HPCAL1: variants seen among roughly 807,000 people sequenced by gnomAD.
The protein encoded by HPCAL1 is hippocalcin like 1.
In HPCAL1, 8 loss-of-function variants were observed where a neutral mutation model predicts 17.1. The ratio of observed to expected loss-of-function variants is 0.47; its 90% CI spans 0.27 to 0.84. The LOEUF is 0.84. Among genes scored for constraint, HPCAL1 ranks in the 40% least tolerant of loss-of-function variants. The probability of loss-of-function intolerance (pLI) is 0.13; values close to 1 mark genes in which losing one functional copy is unlikely to be tolerated. For missense variants in HPCAL1, 165 were observed against 271.1 expected (o/e 0.61, Z 2.75); for synonymous variants, 112 against 111.4 (o/e 1.01, Z -0.03).
chr2:10,400,515 T>C (rs188489476), intron 2 of HPCAL1, among the ~76,000 whole-genome samples: 56 of 152,260 alleles, frequency 3.7e-4, no homozygotes, highest in Admixed American at 9.8e-4. Context: ...CAGGCGGGCA[T>C]CTCAGAGAGC....
chr2:10,349,092 G>A (rs1013574989), intron 1 of HPCAL1, among the ~76,000 whole-genome samples: 2 of 151,970 alleles, frequency 1.3e-5, no homozygotes, highest in African/African-American at 4.8e-5. Flanking sequence ...ACAGGGGCAT[G>A]TTCTTGGCTG....
chr2:10,407,991 T>A (rs1189152375), intron 2 of HPCAL1, among the ~76,000 whole-genome samples: 2 of 152,148 alleles, frequency 1.3e-5, no homozygotes, highest in Non-Finnish European at 1.5e-5. Context: ...CTTTGGTGGA[T>A]GAGTAGGGGT....
At chr2:10,368,745 G>A (rs1038519201) in intron 1 of HPCAL1, 1 of 152,242 alleles carries the variant, frequency 6.6e-6, no homozygotes, top group Non-Finnish European at 1.5e-5. Flanking sequence ...AAGGTCAGTG[G>A]GTGTGTGTTT....
chr2:10,404,930 A>T (rs953329924), intron 2 of HPCAL1, among the ~76,000 whole-genome samples: 4 of 151,240 alleles, frequency 2.6e-5, no homozygotes, highest in Non-Finnish European at 4.4e-5. Flanking sequence ...CGCAGCCCCC[A>T]CCTCCCGCCG....
At chr2:10,378,134 T>C (rs1380843065) in intron 1 of HPCAL1, among the ~76,000 whole-genome samples, 1 of 151,546 alleles carries the variant, frequency 6.6e-6, no homozygotes, top group Non-Finnish European at 1.5e-5. Context: ...ACCCTAAGGA[T>C]GGTGCCAGCA....
chr2:10,304,751 C>T lies in HPCAL1; in HGVS notation c.-111+1574C>T, dbSNP rs1187358093. Among the ~76,000 whole-genome samples the T allele has an allele frequency of 6.6e-6, 1 of 152,226 alleles. No homozygotes were observed. The highest frequency in any genetic ancestry group is 1.5e-5 in the Non-Finnish European group (1 of 68,042). ...GCTCTCGGCCAGAGCGAAGGATATT[C>T]TTTCCCTTCATCGCCTTGGTGTCTT... On this transcript the variant is annotated intron_variant, in intron 1 of 4. Transcript: ENST00000307845. This position sits in a 1 kb window ranked among gnomAD's most constrained non-coding sequence, Gnocchi z 4.1.
chr2:10,396,169 C>T lies in HPCAL1; in HGVS notation c.-110-666C>T, dbSNP rs573291265. On this transcript the variant is annotated intron_variant, in intron 1 of 4. Coordinates refer to ENST00000307845, the MANE Select transcript of HPCAL1 (RefSeq NM_002149.4). ...CTGGATGGTTTTCTGAGCTGAGCTG[C>T]GGGCTGAATGTCAGGTGATGCGTCC... is the stretch of plus-strand genomic sequence containing the variant. 2.6e-5 allele frequency among the ~76,000 whole-genome samples: 4 copies of T among 152,338 alleles called. No individual in the cohort carries two copies. In the East Asian group the frequency reaches 7.7e-4, roughly 29 times the overall value.
intron 1 of HPCAL1, among the ~76,000 whole-genome samples, chr2:10,349,344 C>A (rs547789293): frequency 6.6e-6 from 1 of 152,148 alleles, no homozygotes; most frequent in South Asian, 2.1e-4. Context: ...AAGAAGCCTG[C>A]TTTTCCAGTA....
intron 1 of HPCAL1, among the ~76,000 whole-genome samples, chr2:10,322,368 C>G (rs988730720): frequency 1.3e-5 from 2 of 152,190 alleles, no homozygotes; most frequent in African/African-American, 2.4e-5. Context: ...GAGAAGGTGA[C>G]ATCTGAGCAA....
Position 10,342,911 on chromosome 2 carries a change from CT to C in HPCAL1, c.-111+39739del, listed in dbSNP as rs1247579595. On this transcript the variant is annotated intron_variant, in intron 1 of 4. Transcript: ENST00000307845. This position sits in a 1 kb window ranked among gnomAD's most constrained non-coding sequence, Gnocchi z 4.1. ...TCTCCCCGCTGCCTTCCCCCGGCCC[CT>C]TTTTGGACAGGATGTTGCTCCCTGG... Among the ~76,000 whole-genome samples the C allele has an allele frequency of 6.6e-6, 1 of 152,216 alleles. No homozygotes were observed. Among genetic ancestry groups the C allele is most frequent in the Admixed American group, 6.5e-5 (1 of 15,284 alleles).
At chr2:10,352,775 T>G (rs1474081090) in intron 1 of HPCAL1, among the ~76,000 whole-genome samples, 2 of 152,222 alleles carry the variant, frequency 1.3e-5, no homozygotes, top group African/African-American at 4.8e-5. Flanking sequence ...GGAGTCTTTC[T>G]TGGCTCTGCC....
chr2:10,400,928 C>A (rs1669567537), intron 2 of HPCAL1, among the ~76,000 whole-genome samples: 1 of 152,246 alleles, frequency 6.6e-6, no homozygotes, highest in African/African-American at 2.4e-5. Context: ...ATCTCCGGAG[C>A]ATCTGCTCCA....
chr2:10,393,581 C>T (rs1192244875), intron 1 of HPCAL1, among the ~76,000 whole-genome samples: 13 of 152,246 alleles, frequency 8.5e-5, no homozygotes, highest in Admixed American at 7.8e-4. Context: ...TGTGGTGGGA[C>T]AGAGGAAAGA....
chr2:10,328,538 G>A (rs1249882997), intron 1 of HPCAL1, among the ~76,000 whole-genome samples: 1 of 152,180 alleles, frequency 6.6e-6, no homozygotes, highest in Non-Finnish European at 1.5e-5. Flanking sequence ...GAACAAAAAT[G>A]TAGAGAAAGA....
intron 2 of HPCAL1, among the ~76,000 whole-genome samples, chr2:10,413,884 C>T (rs1359081393): frequency 6.6e-6 from 1 of 152,236 alleles, no homozygotes; most frequent in African/African-American, 2.4e-5. Flanking sequence ...TAGAACTTCA[C>T]AGAAGGTGGC....
chr2:10,307,474 C>T (rs1461903793), intron 1 of HPCAL1, among the ~76,000 whole-genome samples: 1 of 152,186 alleles, frequency 6.6e-6, no homozygotes, highest in African/African-American at 2.4e-5. Flanking sequence ...TATAGATATA[C>T]ACCTGAGCTG....
rs1668199173 is a variant in HPCAL1, at chr2:10,384,732, C to T, written c.-110-12103C>T. 6.6e-6 allele frequency among the ~76,000 whole-genome samples: 1 copy of T among 152,142 alleles called. No individual in the cohort carries two copies. The highest frequency in any genetic ancestry group is 2.4e-5 in the African/African-American group (1 of 41,420). Reference sequence around the variant, plus strand: ...CTAGGCAGAGTAAACAGTGCAGTGGCAGCCGGGGCTGGCACTTTTAAAGAA... The same window carrying T: ...CTAGGCAGAGTAAACAGTGCAGTGGTAGCCGGGGCTGGCACTTTTAAAGAA... On this transcript the variant is annotated intron_variant, in intron 1 of 4. Transcript: ENST00000307845. This position sits in a 1 kb window ranked among gnomAD's most constrained non-coding sequence, Gnocchi z 4.4.
rs1304742991 is a variant in HPCAL1 at position 10,330,524 on chromosome 2, G to T, written c.-111+27347G>T. On this transcript the variant is annotated intron_variant, in intron 1 of 4. Transcript: ENST00000307845. The surrounding 1 kb of genome is among the most constrained non-coding windows in gnomAD (Gnocchi z 4.2). ...AGGCTGATGTCTGAGACAGGGTGGC[G>T]GCAGGGTTGGTGTCACCCGAGGCCT... Among the ~76,000 whole-genome samples, 1 of 152,018 alleles carries T rather than the reference G, an allele frequency of 6.6e-6. No homozygotes were observed. Among genetic ancestry groups the T allele is most frequent in the Non-Finnish European group, 1.5e-5 (1 of 68,002 alleles).
chr2:10,348,518 C>T (rs1445205769), intron 1 of HPCAL1, among the ~76,000 whole-genome samples: 2 of 151,886 alleles, frequency 1.3e-5, no homozygotes, highest in African/African-American at 4.8e-5. Flanking sequence ...AATCCCAGTG[C>T]TTTGGGAGAC....
Sources: gnomAD v4.1 joint callset for allele counts (sites outside exome capture counted in the v4.1 genomes callset) on GRCh38, gnomAD v4.1.1 for gene constraint, Gnocchi (gnomAD v3.1) non-coding constraint, MANE v1.5 for transcripts, NCBI Gene and HGNC (gene_info 2026-07-23, HGNC 2026-07-21) for gene names.